PCDH11X: variants seen among roughly 807,000 people sequenced by gnomAD.
The protein encoded by PCDH11X is protocadherin 11 X-linked, also known as protocadherin-11 X-linked.
PCDH11X carries 18 observed loss-of-function variants against 53.3 expected under a neutral mutation model. The ratio of observed to expected loss-of-function variants is 0.34; its 90% CI spans 0.23 to 0.50. The LOEUF is 0.50. Among genes scored for constraint, PCDH11X ranks in the 20% least tolerant of loss-of-function variants. The pLI is 0.98. For synonymous variants in PCDH11X, 279 were observed against 393.3 expected (o/e 0.71, Z 3.44); for missense variants, 570 against 1,032.4 (o/e 0.55, Z 6.14).
At chrX:92,152,859 G>A (rs1213708437) in intron 6 of PCDH11X, among the ~76,000 whole-genome samples, 2 of 110,231 alleles carry the variant, frequency 1.8e-5, no homozygotes, top group East Asian at 2.8e-4. Context: ...GTGCAGTGGC[G>A]TGATCTCGGC....
intron 5 of PCDH11X, among the ~76,000 whole-genome samples, chrX:91,843,807 A>G (rs1264926998): frequency 1.8e-5 from 2 of 111,559 alleles, no homozygotes; most frequent in Non-Finnish European, 3.8e-5. Context: ...TATGGCAGTT[A>G]ATACTTTTTG....
At chrX:92,239,446 A>G (rs1569436780) in intron 7 of PCDH11X, among the ~76,000 whole-genome samples, 2 of 111,705 alleles carry the variant, frequency 1.8e-5, no homozygotes. Flanking sequence ...TATTCATGGT[A>G]AATTTCATTT....
chrX:91,814,276 C>A (rs1237014867), intron 4 of PCDH11X, among the ~76,000 whole-genome samples: 4 of 110,887 alleles, frequency 3.6e-5, no homozygotes, highest in Admixed American at 9.7e-5. Flanking sequence ...TCAGTTTAAG[C>A]GTTTGAAAAC....
At chrX:92,489,497 T>G (rs1204028809) in intron 10 of PCDH11X, among the ~76,000 whole-genome samples, 12 of 110,390 alleles carry the variant, frequency 1.1e-4, no homozygotes, top group Middle Eastern at 9.3e-3. Context: ...ATGATATTTC[T>G]GTATTTTTCT....
chrX:92,484,989 T>TAA (rs2073612595), intron 10 of PCDH11X, among the ~76,000 whole-genome samples: 1 of 110,809 alleles, frequency 9.0e-6, no homozygotes, highest in African/African-American at 3.3e-5. Flanking sequence ...TTTTTGAAAT[T>TAA]GTTTCTTTAA....
At chrX:92,212,373 G>A (rs768349952) in intron 7 of PCDH11X, among the ~76,000 whole-genome samples, 12 of 109,664 alleles carry the variant, frequency 1.1e-4, no homozygotes, top group East Asian at 2.9e-4. Context: ...TTTTTGAGAC[G>A]GAGTTTTGCT....
intron 6 of PCDH11X, among the ~76,000 whole-genome samples, chrX:91,952,604 A>G (rs1389802285): frequency 8.9e-6 from 1 of 111,751 alleles, no homozygotes; most frequent in African/African-American, 3.3e-5. Flanking sequence ...AACAGTTAGT[A>G]CAACCCACTA....
rs1376237034 is a variant in PCDH11X at position 92,576,011 on chromosome X, T to TATATATATAC, written c.3368-42252_3368-42251insTATATATACA. Among the ~76,000 whole-genome samples, 13 of 28,086 alleles carry TATATATATAC rather than the reference T, an allele frequency of 4.6e-4. 1 individual carries two copies. The highest frequency in any genetic ancestry group is 1.9e-3 in the African/African-American group (11 of 5,911). 24.4% of individuals were successfully genotyped at this position (28,086 alleles called of 115,157 possible). ...ATATATATATATATATATATATATA[T>TATATATATAC]ACACACACACACACACACACACACA... On this transcript the variant is annotated intron_variant, in intron 10 of 10. Coordinates refer to ENST00000682573, the MANE Select transcript of PCDH11X (RefSeq NM_032968.5).
chrX:91,886,788 A>G lies in PCDH11X; in HGVS notation c.3033+7515A>G, dbSNP rs758127504. Among the ~76,000 whole-genome samples the G allele has an allele frequency of 2.7e-4, 29 of 108,324 alleles. 1 individual carries two copies. In the South Asian group the frequency reaches 4.8e-3, roughly 18 times the overall value. The allele number at this position is 108,324 out of a possible 115,157, so 94.1% of individuals were successfully genotyped here. A position where few individuals can be genotyped will look rare whatever the true frequency, so the allele number is the denominator to read the frequency against. ...AGATCGAGACCATCCTGGCTAACACAGTGAAACCCCGTCTCTACTAAAAAT... is the reference window on the plus strand; with the variant it reads ...AGATCGAGACCATCCTGGCTAACACGGTGAAACCCCGTCTCTACTAAAAAT... On this transcript the variant is annotated intron_variant, in intron 6 of 10. Coordinates refer to ENST00000682573, the MANE Select transcript of PCDH11X (RefSeq NM_032968.5).
chrX:92,287,012 A>C (rs1054758580), intron 8 of PCDH11X, among the ~76,000 whole-genome samples: 3 of 109,135 alleles, frequency 2.7e-5, no homozygotes, highest in African/African-American at 1.0e-4. Flanking sequence ...TGCAAAGTTT[A>C]TATATTATCG....
At chrX:91,803,007 G>A (rs1602861485) in intron 1 of PCDH11X, among the ~76,000 whole-genome samples, 1 of 111,665 alleles carries the variant, frequency 9.0e-6, no homozygotes, top group South Asian at 3.7e-4. Context: ...TGAGACTTCC[G>A]ATTTAATGTT....
intron 6 of PCDH11X, among the ~76,000 whole-genome samples, chrX:92,015,354 C>T (rs2525228): frequency 1.8e-5 from 2 of 111,846 alleles, no homozygotes; most frequent in African/African-American, 6.5e-5. Flanking sequence ...AAGAAGATCA[C>T]AGTAAAGTTT....
chrX:91,917,197 C>T (rs1276396386), intron 6 of PCDH11X, among the ~76,000 whole-genome samples: 1 of 108,992 alleles, frequency 9.2e-6, no homozygotes, highest in Non-Finnish European at 1.9e-5. Flanking sequence ...AAACACATAG[C>T]CAGCATTATG....
At chrX:91,959,528 C>T (rs985396646) in intron 6 of PCDH11X, among the ~76,000 whole-genome samples, 5 of 107,798 alleles carry the variant, frequency 4.6e-5, no homozygotes, top group African/African-American at 1.7e-4. Flanking sequence ...AGATTCCATA[C>T]GTAAATGGAA....
At chrX:91,964,538 A>T (rs1475032305) in intron 6 of PCDH11X, among the ~76,000 whole-genome samples, 1 of 112,324 alleles carries the variant, frequency 8.9e-6, no homozygotes, top group Non-Finnish European at 1.9e-5. Context: ...AACCTTAGTT[A>T]TTATGGCTGC....
rs186946246 is a variant in PCDH11X, at chrX:92,526,212, C to G, written c.3367+57890C>G. ...GTTCCAGTTCTATGATCATTAGCAG[C>G]CTTTGGAGTACTGTAGGTGGCAAAA... On this transcript the variant is annotated intron_variant, in intron 10 of 10. Transcript: ENST00000682573. Among the ~76,000 whole-genome samples, 764 of 110,976 alleles carry G rather than the reference C, an allele frequency of 6.9e-3. 4 individuals carry two copies. Among genetic ancestry groups the G allele is most frequent in the African/African-American group, 0.024 (731 of 30,457 alleles).
intron 5 of PCDH11X, among the ~76,000 whole-genome samples, chrX:91,848,459 C>T (rs1378280685): frequency 9.0e-6 from 1 of 111,415 alleles, no homozygotes; most frequent in East Asian, 2.8e-4. Flanking sequence ...GATGCAGGAT[C>T]AAGTGTTGTC....
chrX:91,969,935 C>T (rs1321556325), intron 6 of PCDH11X, among the ~76,000 whole-genome samples: 1 of 110,727 alleles, frequency 9.0e-6, no homozygotes, highest in Non-Finnish European at 1.9e-5. Context: ...TTTATTGAAT[C>T]CCACTAAGGT....
intron 6 of PCDH11X, among the ~76,000 whole-genome samples, chrX:91,988,256 T>C (rs760057425): frequency 9.1e-6 from 1 of 110,326 alleles, no homozygotes; most frequent in Non-Finnish European, 1.9e-5. Context: ...TCTCTTTGAA[T>C]CTTCTATGTT....
Sources: gnomAD v4.1 joint callset for allele counts (sites outside exome capture counted in the v4.1 genomes callset) on GRCh38, gnomAD v4.1.1 for gene constraint, MANE v1.5 for transcripts, NCBI Gene and HGNC (gene_info 2026-07-23, HGNC 2026-07-21) for gene names.